ZNF257: variants seen among roughly 807,000 people sequenced by gnomAD.
The protein encoded by ZNF257 is zinc finger protein 257.
A neutral mutation model predicts 11.9 loss-of-function variants in ZNF257; 12 were observed. The observed-to-expected ratio is 1.01, with a 90% CI of 0.65 to 1.63. The LOEUF (loss-of-function observed/expected upper bound fraction) is 1.63, where lower values mean the gene tolerates loss of function less well. Among genes scored for constraint, ZNF257 ranks in the 40% most tolerant of loss-of-function variants. The pLI is 0.00. For missense variants in ZNF257, 580 were observed against 665.5 expected, an observed-to-expected ratio of 0.87 and a Z score of 1.41; for synonymous variants, 183 against 222.7, an observed-to-expected ratio of 0.82 and a Z score of 1.59.
At chr19:22,073,121 T>C (rs967649400) in intron 2 of ZNF257, among the ~76,000 whole-genome samples, 186 bp downstream of exon 2, 2 of 152,048 alleles carry the variant, frequency 1.3e-5, no homozygotes, top group African/African-American at 4.8e-5. Flanking sequence ...AAAAAAAATT[T>C]CTTCAAGAGG....
At position 22,071,363 on chromosome 19, in the gene ZNF257, G is replaced by A. The variant is rs535383803; in HGVS notation, c.4-1446G>A. On this transcript the variant is annotated intron_variant, in intron 1 of 3. Transcript: ENST00000594947. ...CTTGGTCCTGCCAGTGGGTGTGGTGGTAGCAGGTAAATGGGTGGTGCTGAC... is the reference window on the plus strand; with the variant it reads ...CTTGGTCCTGCCAGTGGGTGTGGTGATAGCAGGTAAATGGGTGGTGCTGAC... Among the ~76,000 whole-genome samples, 243 of 152,252 alleles carry A rather than the reference G, an allele frequency of 1.6e-3. 1 individual carries two copies. Among genetic ancestry groups the A allele is most frequent in the African/African-American group, 5.5e-3 (230 of 41,520 alleles).
rs377199485 is a variant in ZNF257 at position 22,067,176 on chromosome 19, C to A, written c.4-5633C>A. 9.9e-5 allele frequency among the ~76,000 whole-genome samples: 15 copies of A among 152,272 alleles called. No individual in the cohort carries two copies. In the East Asian group the frequency reaches 2.9e-3, roughly 30 times the overall value. On this transcript the variant is annotated intron_variant, in intron 1 of 3. Coordinates refer to ENST00000594947, the MANE Select transcript of ZNF257 (RefSeq NM_033468.4). ...TGGTATCTATAGGCCACTACAGTCACTTCTAGAGAAGCTAGACCAGATTTC... is the reference window on the plus strand; with the variant it reads ...TGGTATCTATAGGCCACTACAGTCAATTCTAGAGAAGCTAGACCAGATTTC...
At chr19:22,053,807 C>A (rs2021550000) in intron 1 of ZNF257, among the ~76,000 whole-genome samples, 1 of 151,900 alleles carries the variant, frequency 6.6e-6, no homozygotes, top group African/African-American at 2.4e-5. Context: ...TGCCTGTAAT[C>A]CCAGCTACTC....
intron 1 of ZNF257, chr19:22,066,487 A>G (rs10423114): frequency 0.24 from 36,106 of 152,416 alleles, 5,820 homozygotes; most frequent in African/African-American, 0.46. Context: ...GCTGTGCCTC[A>G]GTGGCAGATG....
chr19:22,073,022 T>C (rs185697703), intron 2 of ZNF257, 87 bp downstream of exon 2: 2 of 1,352,290 alleles, frequency 1.5e-6, no homozygotes, highest in East Asian at 5.4e-5. Context: ...TGTTTTTTGG[T>C]AATTTGGTAA....
At chr19:22,056,762 G>A (rs1306987096) in intron 1 of ZNF257, among the ~76,000 whole-genome samples, 1 of 152,150 alleles carries the variant, frequency 6.6e-6, no homozygotes, top group Non-Finnish European at 1.5e-5. Context: ...ACAGGTGTAA[G>A]CCACCGCGCC....
In ZNF257 at chr19:22,080,347, C is replaced by CATGG. The variant is rs2022329639; in HGVS notation, c.226+6784_226+6787dup. Among the ~76,000 whole-genome samples the CATGG allele has an allele frequency of 6.6e-5, 10 of 152,144 alleles. 1 individual carries two copies. In the South Asian group the frequency reaches 1.2e-3, roughly 19 times the overall value. ...GGTTTGTGAGGAAAAATTCCTTGTG[C>CATGG]ATGGGTTGGCACCATCCTCTTTGTA... On this transcript the variant is annotated intron_variant, in intron 3 of 3. Transcript: ENST00000594947.
rs2022582193 is a variant in ZNF257, at chr19:22,089,629, G to A, written c.*187G>A. Reference sequence around the variant, plus strand: ...CATGCTGGAGAGAAACTCTTGAAATGTGATGAATGTGGCATAGCCTCTTCC... The same window carrying A: ...CATGCTGGAGAGAAACTCTTGAAATATGATGAATGTGGCATAGCCTCTTCC... On this transcript the variant is annotated 3_prime_UTR_variant, in exon 4 of 4. Coordinates refer to ENST00000594947, the MANE Select transcript of ZNF257 (RefSeq NM_033468.4). 2 of 1,403,392 alleles carry A rather than the reference G, an allele frequency of 1.4e-6. No homozygotes were observed. Among genetic ancestry groups the A allele is most frequent in the Admixed American group, 2.9e-5 (1 of 34,722 alleles). The allele number at this position is 1,403,392 out of a possible 1,614,324, so 86.9% of individuals were successfully genotyped here.
At chr19:22,056,995 A>G (rs1041282003) in intron 1 of ZNF257, among the ~76,000 whole-genome samples, 7 of 152,124 alleles carry the variant, frequency 4.6e-5, no homozygotes, top group Non-Finnish European at 7.4e-5. Flanking sequence ...TGCAGGGAAA[A>G]CTTGTGATAG....
intron 3 of ZNF257, among the ~76,000 whole-genome samples, chr19:22,082,026 T>C (rs1044961230): frequency 3.3e-5 from 5 of 152,066 alleles, no homozygotes; most frequent in Non-Finnish European, 5.9e-5. Context: ...TTCATAATCA[T>C]CTTGAAAAAT....
At chr19:22,055,980 G>A (rs1195249733) in intron 1 of ZNF257, among the ~76,000 whole-genome samples, 2 of 151,156 alleles carry the variant, frequency 1.3e-5, no homozygotes, top group African/African-American at 4.9e-5. Context: ...GCGTGAACCC[G>A]GGAGGCGGAG....
chr19:22,056,669 G>A (rs539914008), intron 1 of ZNF257, among the ~76,000 whole-genome samples: 3 of 151,714 alleles, frequency 2.0e-5, no homozygotes, highest in Non-Finnish European at 2.9e-5. Context: ...TAGTAGAGAC[G>A]GGGTTTCACC....
chr19:22,074,066 G>T (rs1051662785), intron 3 of ZNF257, among the ~76,000 whole-genome samples: 3 of 151,380 alleles, frequency 2.0e-5, no homozygotes, highest in Non-Finnish European at 4.4e-5. Context: ...ATGTCATTCT[G>T]CTTTTTTTTT....
chr19:22,087,568 A>T lies in ZNF257; in HGVS notation c.227-409A>T, dbSNP rs1004191492. 11 of 1,230,446 alleles carry T rather than the reference A, an allele frequency of 8.9e-6. No homozygotes were observed. In the African/African-American group the frequency reaches 1.7e-4, roughly 19 times the overall value. The allele number at this position is 1,230,446 out of a possible 1,614,324, so 76.2% of individuals were successfully genotyped here. ...TGGGAGAATGAAACCAGTGTCTTGA[A>T]AGACCCCTAAAAGCCAGACATAGAA... On this transcript the variant is annotated intron_variant, in intron 3 of 3. Coordinates refer to ENST00000594947, the MANE Select transcript of ZNF257 (RefSeq NM_033468.4).
chr19:22,076,988 T>G (rs1215961554), intron 3 of ZNF257, among the ~76,000 whole-genome samples: 1 of 152,144 alleles, frequency 6.6e-6, no homozygotes, highest in Non-Finnish European at 1.5e-5. Context: ...GCACCTGTCC[T>G]AAAATTTACC....
rs371623333 is a variant in ZNF257, at chr19:22,088,510, G to A, written c.760G>A (p.Glu254Lys). ...LTQHKVIHTREKPYKCEECGK... is the reference protein window; with the variant it reads ...LTQHKVIHTRKKPYKCEECGK... ...TCAACATAAGGTAATTCATACTAGA[G>A]AGAAACCCTACAAATGTGAAGAGTG... The change falls in exon 4 of 4, where the codon GAG becomes AAG. Residue 254 changes from glutamate to lysine, a missense_variant. Glu to Lys is a moderately conservative substitution (Grantham distance 56). Transcript: ENST00000594947. 7 of 1,613,588 alleles carry A rather than the reference G, an allele frequency of 4.3e-6. No homozygotes were observed. Among genetic ancestry groups the A allele is most frequent in the African/African-American group, 1.3e-5 (1 of 74,794 alleles).
chr19:22,071,794 T>C (rs1006635858), intron 1 of ZNF257, among the ~76,000 whole-genome samples: 5 of 152,064 alleles, frequency 3.3e-5, no homozygotes, highest in African/African-American at 4.8e-5. Flanking sequence ...AAGATTCCTA[T>C]TGGAAGAAGA....
rs768652624 is a variant in ZNF257, at chr19:22,088,206, A to C, written c.456A>C (p.Lys152Asn). 2 of 1,607,708 alleles carry C rather than the reference A, an allele frequency of 1.2e-6. No individual in the cohort carries two copies. Among genetic ancestry groups the C allele is most frequent in the East Asian group, 2.2e-5 (1 of 44,830 alleles). ...SKMYQCDKYV[K>N]VFYKFSNSDR... The stretch of plus-strand genomic sequence containing the variant: ...TGTATCAATGTGATAAATATGTAAA[A>C]GTCTTCTATAAGTTTTCAAATTCAG... The change falls in exon 4 of 4, where the codon AAA (lysine) becomes AAC (asparagine). Residue 152 changes from lysine (K) to asparagine (N), a missense_variant. Lys to Asn is a moderately conservative substitution (Grantham distance 94). Coordinates refer to ENST00000594947, the MANE Select transcript of ZNF257 (RefSeq NM_033468.4).
At chr19:22,083,426 G>A (rs770735067) in intron 3 of ZNF257, among the ~76,000 whole-genome samples, 34 of 152,200 alleles carry the variant, frequency 2.2e-4, no homozygotes, top group Admixed American at 1.4e-3. Flanking sequence ...AGCCAAGATC[G>A]CGCCATTGCA....
Sources: allele counts gnomAD v4.1 joint callset (sites outside exome capture counted in the v4.1 genomes callset), GRCh38; gene constraint gnomAD v4.1.1; transcripts MANE v1.5; gene names NCBI Gene and HGNC (gene_info 2026-07-23, HGNC 2026-07-21).